Variants in GPM6B observed in about 807,000 individuals in gnomAD.
GPM6B encodes the protein glycoprotein M6B.
A neutral mutation model predicts 27.2 loss-of-function variants in GPM6B; 4 were observed. The observed-to-expected ratio is 0.15, with a 90% CI of 0.07 to 0.34. The LOEUF is 0.34. Among genes scored for constraint, GPM6B ranks in the 10% least tolerant of loss-of-function variants. The pLI is 1.00. For missense variants in GPM6B, 183 were observed against 261.9 expected (o/e 0.70, Z 2.08); for synonymous variants, 124 against 103.1 (o/e 1.20, Z -1.23).
chrX:13,815,812 T>C (rs1319623221), intron 1 of GPM6B, among the ~76,000 whole-genome samples: 6 of 112,314 alleles, frequency 5.3e-5, no homozygotes, highest in African/African-American at 1.9e-4. Flanking sequence ...TTTCATATGG[T>C]TCAGCCTGTA....
rs1012002216 is a variant in GPM6B, at chrX:13,808,055, G to A, written c.62-286C>T. On this transcript the variant is annotated intron_variant, in intron 1 of 7. Coordinates refer to ENST00000316715, the MANE Select transcript of GPM6B (RefSeq NM_001001995.3). ...ATTTGGGGAAGATACTATTTATAGT[G>A]AAAATTTGGCTCCTCACAATAATAT... Among the ~76,000 whole-genome samples the A allele has an allele frequency of 6.2e-5, 7 of 112,061 alleles. No individual in the cohort carries two copies. The South Asian group carries it at 1.5e-3, about 24-fold the overall frequency.
intron 1 of GPM6B, among the ~76,000 whole-genome samples, chrX:13,860,342 A>G: frequency 9.0e-6 from 1 of 111,462 alleles, no homozygotes; most frequent in East Asian, 2.8e-4. Flanking sequence ...TGAAGGTTAT[A>G]ACACTCTTTG....
intron 1 of GPM6B, among the ~76,000 whole-genome samples, chrX:13,808,297 A>C (rs2049061101): frequency 8.9e-6 from 1 of 112,064 alleles, no homozygotes; most frequent in African/African-American, 3.2e-5. Context: ...CCTTATCTTA[A>C]ACTCAGAACG....
At chrX:13,850,010 G>A (rs1405091316) in intron 1 of GPM6B, among the ~76,000 whole-genome samples, 3 of 111,915 alleles carry the variant, frequency 2.7e-5, no homozygotes, top group Non-Finnish European at 5.6e-5. Flanking sequence ...AGTGAGCCGA[G>A]ATGGCATCAC....
intron 1 of GPM6B, among the ~76,000 whole-genome samples, chrX:13,847,421 T>A (rs1396869616): frequency 1.8e-5 from 2 of 112,472 alleles, no homozygotes; most frequent in African/African-American, 3.2e-5. Flanking sequence ...AATACCTCCA[T>A]CTAAACTCTA....
chrX:13,784,351 A>C (rs2048571697), intron 3 of GPM6B, among the ~76,000 whole-genome samples: 1 of 112,303 alleles, frequency 8.9e-6, no homozygotes, highest in African/African-American at 3.2e-5. Context: ...AGTCTTGGTA[A>C]ACATTTCTTC....
chrX:13,825,021 T>C (rs1231535454), intron 1 of GPM6B, among the ~76,000 whole-genome samples: 1 of 111,494 alleles, frequency 9.0e-6, no homozygotes, highest in Non-Finnish European at 1.9e-5. Context: ...CATCACATGG[T>C]GTCCTCTCTG....
At chrX:13,909,741 A>T (rs2050362037) in intron 1 of GPM6B, among the ~76,000 whole-genome samples, 1 of 111,484 alleles carries the variant, frequency 9.0e-6, no homozygotes, top group African/African-American at 3.3e-5. Flanking sequence ...AGGTTAAGGA[A>T]CATGCTCCAG....
rs185458518 is a variant in GPM6B at position 13,828,061 on chromosome X, T to C, written c.-197-42253A>G. Among the ~76,000 whole-genome samples, 430 of 111,280 alleles carry C rather than the reference T, an allele frequency of 3.9e-3. 6 individuals carry two copies. The highest frequency in any genetic ancestry group is 0.036 in the Admixed American group (381 of 10,456). On this transcript the variant is annotated intron_variant, in intron 1 of 6. Transcript: ENST00000398361. ...ATCCACCCCTCCTACAGTGCTCATG[T>C]CACAATGATCTGAGCAACAGAAAGC...
intron 2 of GPM6B, among the ~76,000 whole-genome samples, chrX:13,798,052 C>G (rs1227377623): frequency 9.1e-6 from 1 of 110,203 alleles, no homozygotes; most frequent in African/African-American, 3.3e-5. Flanking sequence ...CATGGTGCTG[C>G]TTTCATGAGC....
At chrX:13,858,643 A>T (rs766525817) in intron 1 of GPM6B, among the ~76,000 whole-genome samples, 1 of 111,388 alleles carries the variant, frequency 9.0e-6, no homozygotes, top group Non-Finnish European at 1.9e-5. Context: ...TTAAGTATGT[A>T]TTGTAACTGC....
chrX:13,854,905 T>C (rs1280529950), intron 1 of GPM6B, among the ~76,000 whole-genome samples: 1 of 111,999 alleles, frequency 8.9e-6, no homozygotes, highest in East Asian at 2.8e-4. Context: ...AATTGAAATG[T>C]ACATAAAGAA....
rs146625512 is a variant in GPM6B, at chrX:13,816,616, C to G, written c.61+228G>C. ...AAGGTGACAAACTATAGACATCCCT[C>G]TATGAAATATCACGTCGGTAGAAAG... On this transcript the variant is annotated intron_variant, in intron 1 of 7. Transcript: ENST00000316715. 9.1e-3 allele frequency among the ~76,000 whole-genome samples: 1,015 copies of G among 111,332 alleles called. 15 individuals carry two copies. The highest frequency in any genetic ancestry group is 0.031 in the African/African-American group (956 of 30,555).
At chrX:13,904,927 C>A (rs2050314303) in intron 1 of GPM6B, among the ~76,000 whole-genome samples, 1 of 110,688 alleles carries the variant, frequency 9.0e-6, no homozygotes, top group South Asian at 3.8e-4. Context: ...CCAGTTCAGG[C>A]CCACATCTGC....
chrX:13,855,310 C>T (rs1260551096), intron 1 of GPM6B, among the ~76,000 whole-genome samples: 2 of 112,480 alleles, frequency 1.8e-5, no homozygotes, highest in African/African-American at 3.2e-5. Flanking sequence ...TGAGCCACCG[C>T]GCCCGGCTCC....
At chrX:13,849,386 T>C (rs1375615426) in intron 1 of GPM6B, among the ~76,000 whole-genome samples, 1 of 112,796 alleles carries the variant, frequency 8.9e-6, no homozygotes, top group African/African-American at 3.2e-5. Context: ...CATTTTGACA[T>C]AATCACACAC....
At chrX:13,809,347 C>CA (rs762259327) in intron 1 of GPM6B, among the ~76,000 whole-genome samples, 44 of 112,195 alleles carry the variant, frequency 3.9e-4, no homozygotes, top group African/African-American at 1.3e-3. Context: ...ACAGTTAACC[C>CA]AATGAGAGTT....
chrX:13,931,220 A>T (rs1162012267), intron 1 of GPM6B, among the ~76,000 whole-genome samples: 1 of 106,385 alleles, frequency 9.4e-6, no homozygotes, highest in Non-Finnish European at 2.0e-5. Flanking sequence ...AACAAATCCC[A>T]CTTTTAAAAT....
intron 1 of GPM6B, among the ~76,000 whole-genome samples, chrX:13,926,365 G>A (rs1407358094): frequency 1.9e-5 from 2 of 106,902 alleles, no homozygotes; most frequent in Non-Finnish European, 3.8e-5. Context: ...CCCAGATTGC[G>A]CCACTGCACT....
Sources: allele counts gnomAD v4.1 joint callset (sites outside exome capture counted in the v4.1 genomes callset), GRCh38; gene constraint gnomAD v4.1.1; transcripts MANE v1.5; gene names NCBI Gene and HGNC (gene_info 2026-07-23, HGNC 2026-07-21).